Variants in LPA observed in about 807,000 individuals in gnomAD.
LPA encodes the protein apolipoprotein(a).
Under a neutral mutation model 197.9 loss-of-function variants are expected in LPA, and 199 were observed. The ratio of observed to expected loss-of-function variants is 1.01; its 90% CI spans 0.90 to 1.13. LPA has a LOEUF of 1.13. Among genes scored for constraint, LPA ranks in the 50% most tolerant of loss-of-function variants. LPA has a pLI of 0.00. For missense variants in LPA, 1,853 were observed against 1,785.8 expected, an observed-to-expected ratio of 1.04 and a Z score of -0.68; for synonymous variants, 715 against 639.5, an observed-to-expected ratio of 1.12 and a Z score of -1.78.
chr6:160,611,510 C>T (rs555423391), intron 16 of LPA, 52 bp downstream of exon 16: 5 of 1,602,592 alleles, frequency 3.1e-6, no homozygotes, highest in Middle Eastern at 2.1e-4. Context: ...TCTCTTGTCA[C>T]AGAAACTTCA....
intron 28 of LPA, among the ~76,000 whole-genome samples, chr6:160,559,047 A>T (rs1290458385): frequency 1.3e-5 from 2 of 152,180 alleles, no homozygotes; most frequent in African/African-American, 2.4e-5. Flanking sequence ...ACAGAGTGAG[A>T]TGCACAGATC....
chr6:160,543,731 A>T (rs1483352512), intron 33 of LPA, among the ~76,000 whole-genome samples: 3 of 152,254 alleles, frequency 2.0e-5, no homozygotes, highest in Admixed American at 6.5e-5. Context: ...TACTCCTACT[A>T]TTCAAAATAA....
chr6:160,663,973 C>A (rs551022700), intron 1 of LPA, among the ~76,000 whole-genome samples, 193 bp downstream of exon 1: 2 of 152,246 alleles, frequency 1.3e-5, no homozygotes, highest in South Asian at 2.1e-4. Context: ...CCATTCATTC[C>A]AGCACCGTGA....
chr6:160,545,289 G>C (rs1778047649), intron 33 of LPA, 151 bp downstream of exon 33: 1 of 636,178 alleles, frequency 1.6e-6, no homozygotes, highest in Admixed American at 2.5e-5. Flanking sequence ...GTTCAAGGTG[G>C]CCATGATGAA....
At chr6:160,553,952 T>C (rs12204066) in intron 30 of LPA, among the ~76,000 whole-genome samples, 1 of 117,074 alleles carries the variant, frequency 8.5e-6, no homozygotes, top group South Asian at 2.5e-4. Flanking sequence ...TGTGTGTGTG[T>C]GTGCGCGCGC....
At chr6:160,595,090 C>A (rs577408870) in intron 21 of LPA, among the ~76,000 whole-genome samples, 35 of 152,160 alleles carry the variant, frequency 2.3e-4, no homozygotes, top group African/African-American at 8.4e-4. Context: ...TAAAATGATC[C>A]TTTGAATAAC....
chr6:160,654,059 TA>T (rs367890335), intron 1 of LPA, among the ~76,000 whole-genome samples: 1,762 of 13,018 alleles, frequency 0.14, 322 homozygotes, highest in Middle Eastern at 0.17. Flanking sequence ...TAATATATTA[TA>T]TATATTATAT....
intron 31 of LPA, 50 bp downstream of exon 31, chr6:160,548,428 A>C (rs1228169835): frequency 2.6e-6 from 4 of 1,568,196 alleles, no homozygotes; most frequent in Non-Finnish European, 3.5e-6. Context: ...CCCGTTGTCC[A>C]AGCACATAGA....
intron 28 of LPA, among the ~76,000 whole-genome samples, chr6:160,567,806 A>G (rs1400218938): frequency 2.0e-5 from 3 of 152,256 alleles, no homozygotes; most frequent in Non-Finnish European, 2.9e-5. Flanking sequence ...AAAATGATAA[A>G]GGGGATATCA....
At chr6:160,542,603 C>T in intron 34 of LPA, 85 bp downstream of exon 34, 1 of 1,592,458 alleles carries the variant, frequency 6.3e-7, no homozygotes, top group Non-Finnish European at 8.6e-7. Context: ...GATGCATCAG[C>T]TGTGTGGGTT....
intron 20 of LPA, among the ~76,000 whole-genome samples, chr6:160,597,953 G>A (rs75234242): frequency 0.02 from 2,996 of 152,216 alleles, 49 homozygotes; most frequent in Non-Finnish European, 0.031. Context: ...TAATTGACTA[G>A]GACACCATTT....
chr6:160,611,063 G>A (rs1463183710), intron 16 of LPA, among the ~76,000 whole-genome samples: 2 of 151,980 alleles, frequency 1.3e-5, no homozygotes, highest in Non-Finnish European at 2.9e-5. Flanking sequence ...ATCCTTTCAG[G>A]CCACTGGTAC....
At chr6:160,574,085 G>A (rs1164967939) in intron 28 of LPA, among the ~76,000 whole-genome samples, 5 of 152,094 alleles carry the variant, frequency 3.3e-5, no homozygotes, top group African/African-American at 9.7e-5. Context: ...CTTCTGTATG[G>A]TGTGGGGGTG....
At chr6:160,660,103 T>C (rs1434692680) in intron 1 of LPA, among the ~76,000 whole-genome samples, 1 of 152,258 alleles carries the variant, frequency 6.6e-6, no homozygotes, top group Admixed American at 6.5e-5. Context: ...ATACAGGTGT[T>C]TGATATGAAT....
rs1044274397 is a variant in LPA at position 160,542,676 on chromosome 6, G to C, written c.5519+12C>G. 6.2e-6 allele frequency: 10 copies of C among 1,612,750 alleles called. No individual in the cohort carries two copies. Among genetic ancestry groups the C allele is most frequent in the Non-Finnish European group, 8.5e-6 (10 of 1,179,846 alleles). On this transcript the variant is annotated intron_variant, in intron 34 of 38. Coordinates refer to ENST00000316300, the MANE Select transcript of LPA (RefSeq NM_005577.4). Reference sequence around the variant, plus strand: ...GAAGGACAGTATAGATGGTTTCTGGGCCTGTTCTTACCTTGTTCTGAGACT... The same window carrying C: ...GAAGGACAGTATAGATGGTTTCTGGCCCTGTTCTTACCTTGTTCTGAGACT...
At chr6:160,600,138 T>C (rs754995443) in intron 19 of LPA, among the ~76,000 whole-genome samples, 3 of 152,182 alleles carry the variant, frequency 2.0e-5, no homozygotes, top group Non-Finnish European at 4.4e-5. Flanking sequence ...CTCCTGGTGA[T>C]GGGGCAGACA....
At chr6:160,647,182 A>G (rs1779904317) in intron 2 of LPA, among the ~76,000 whole-genome samples, 1 of 152,176 alleles carries the variant, frequency 6.6e-6, no homozygotes, top group African/African-American at 2.4e-5. Flanking sequence ...AGTTGAAAGA[A>G]CAGTGGGTCC....
intron 37 of LPA, among the ~76,000 whole-genome samples, chr6:160,532,930 A>G (rs1457797077): frequency 6.6e-6 from 1 of 152,224 alleles, no homozygotes; most frequent in Non-Finnish European, 1.5e-5. Context: ...GAAGCTATCA[A>G]AATGATTTTT....
chr6:160,602,734 C>T (rs985556287), intron 18 of LPA, among the ~76,000 whole-genome samples: 29 of 152,138 alleles, frequency 1.9e-4, no homozygotes, highest in African/African-American at 6.5e-4. Flanking sequence ...TGCATTTATC[C>T]AACATGGATG....
Sources: gnomAD v4.1 joint callset for allele counts (sites outside exome capture counted in the v4.1 genomes callset) on GRCh38, gnomAD v4.1.1 for gene constraint, MANE v1.5 for transcripts, NCBI Gene and HGNC (gene_info 2026-07-23, HGNC 2026-07-21) for gene names.